COA8: variants seen among roughly 807,000 people sequenced by gnomAD.
The protein encoded by COA8 is cytochrome c oxidase assembly factor 8, also known as UPF0671 protein C14orf153.
Under a neutral mutation model 22.0 loss-of-function variants are expected in COA8, and 20 were observed. That is an observed-to-expected ratio of 0.91 (90% confidence interval 0.64 to 1.32). COA8 has a LOEUF of 1.32. COA8 is among the 40% of genes most tolerant of loss of function. COA8 has a pLI of 0.00. For synonymous variants in COA8, 105 were observed against 79.9 expected (o/e 1.31, Z -1.68); for missense variants, 266 against 230.0 (o/e 1.16, Z -1.01).
chr14:103,564,571 CTTTTTTTTT>C (rs561702478), intron 1 of COA8, among the ~76,000 whole-genome samples: 5 of 91,476 alleles, frequency 5.5e-5, no homozygotes, highest in African/African-American at 2.4e-4. Context: ...ATATACACTT[CTTTTTTTTT>C]TTTTTTTTTT....
At chr14:103,585,906 G>A (rs1277814602) in intron 3 of COA8, among the ~76,000 whole-genome samples, 1 of 144,802 alleles carries the variant, frequency 6.9e-6, no homozygotes, top group Non-Finnish European at 1.5e-5. Flanking sequence ...GTTTTTTTTT[G>A]TTTTGTTTTT....
chr14:103,588,233 G>A, intron 4 of COA8: 2 of 392,626 alleles, frequency 5.1e-6, no homozygotes, highest in African/African-American at 2.1e-5. Context: ...AATATTTGTA[G>A]GCTGGATACG....
intron 2 of COA8, among the ~76,000 whole-genome samples, chr14:103,573,741 C>T (rs139111292): frequency 2.0e-3 from 297 of 151,572 alleles, no homozygotes; most frequent in Admixed American, 4.7e-3. Context: ...TTAGTAGAGA[C>T]GGGGTTTCTC....
At chr14:103,585,008 C>G (rs991499082) in intron 3 of COA8, among the ~76,000 whole-genome samples, 2 of 151,836 alleles carry the variant, frequency 1.3e-5, no homozygotes, top group East Asian at 1.9e-4. Flanking sequence ...TATGGTGGTG[C>G]GTGCCTGTAA....
intron 2 of COA8, among the ~76,000 whole-genome samples, chr14:103,572,030 G>C (rs2076191811): frequency 6.6e-6 from 1 of 152,050 alleles, no homozygotes; most frequent in Non-Finnish European, 1.5e-5. Flanking sequence ...GGGAGGCTGA[G>C]GCAGGAGAAT....
At chr14:103,571,903 A>G (rs2076190156) in intron 2 of COA8, 83 bp downstream of exon 2, 6 of 1,189,600 alleles carry the variant, frequency 5.0e-6, no homozygotes, top group Non-Finnish European at 7.2e-6. Flanking sequence ...CGAGGTGGGC[A>G]GATCACGAGG....
chr14:103,577,902 T>TA (rs2076240620), intron 3 of COA8, among the ~76,000 whole-genome samples: 1 of 151,310 alleles, frequency 6.6e-6, no homozygotes, highest in Admixed American at 6.6e-5. Context: ...TGCATGCCTG[T>TA]AATCCCAGCT....
At chr14:103,571,196 T>C (rs1291201049) in intron 1 of COA8, among the ~76,000 whole-genome samples, 1 of 151,924 alleles carries the variant, frequency 6.6e-6, no homozygotes, top group African/African-American at 2.4e-5. Context: ...TGAAACCCCA[T>C]CTCCACTAAA....
intron 3 of COA8, chr14:103,574,548 C>G: frequency 4.6e-6 from 2 of 434,342 alleles, no homozygotes. Flanking sequence ...CAGTGTTAGG[C>G]CTGAATAACA....
rs182584123 is a variant in COA8, at chr14:103,584,563, G to A, written c.386-2711G>A. 3.3e-5 allele frequency among the ~76,000 whole-genome samples: 5 copies of A among 152,210 alleles called. No individual in the cohort carries two copies. In the East Asian group the frequency reaches 5.8e-4, roughly 18 times the overall value. ...AATGCCACGTGGGTCTTATGATCAC[G>A]AACTCTGTGTTTAACTTTTTCAGGA... is the stretch of plus-strand genomic sequence containing the variant. On this transcript the variant is annotated intron_variant, in intron 3 of 4. Coordinates refer to ENST00000409074, the MANE Select transcript of COA8 (RefSeq NM_001370595.2).
chr14:103,574,513 G>T, intron 3 of COA8: 1 of 496,510 alleles, frequency 2.0e-6, no homozygotes, highest in Admixed American at 2.3e-5. Flanking sequence ...GCTCAAAATA[G>T]CCTCTCCTTA....
intron 1 of COA8, among the ~76,000 whole-genome samples, chr14:103,570,154 G>T (rs2076171991): frequency 6.6e-6 from 1 of 152,148 alleles, no homozygotes; most frequent in Non-Finnish European, 1.5e-5. Flanking sequence ...ACCGCACCTG[G>T]CTAGAAATGT....
intron 1 of COA8, among the ~76,000 whole-genome samples, chr14:103,568,120 C>G (rs2076148734): frequency 6.6e-6 from 1 of 152,188 alleles, no homozygotes; most frequent in Admixed American, 6.5e-5. Flanking sequence ...GAACAGGAAG[C>G]AAGAACGCTA....
chr14:103,584,002 G>C (rs187384254), intron 3 of COA8, among the ~76,000 whole-genome samples: 6 of 152,208 alleles, frequency 3.9e-5, no homozygotes, highest in African/African-American at 1.2e-4. Context: ...GAGCCCCTGC[G>C]CCCTCTCTGG....
In COA8 at chr14:103,588,474, T is replaced by TAA. The variant is rs370081517; in HGVS notation, c.476+1116_476+1117dup. 1.8e-3 allele frequency among the ~76,000 whole-genome samples: 248 copies of TAA among 139,332 alleles called. 2 individuals are homozygous for TAA. In the East Asian group the frequency reaches 0.02, roughly 11 times the overall value. 91.4% of individuals were successfully genotyped at this position (139,332 alleles called of 152,430 possible). On this transcript the variant is annotated intron_variant, in intron 4 of 4. Transcript: ENST00000409074. ...ATAAATAAATAAATAAGTAAGTAAT[T>TAA]AAAAAAATATATATATATATATAAA...
intron 3 of COA8, among the ~76,000 whole-genome samples, chr14:103,585,889 GTTT>G (rs796235723): frequency 6.9e-6 from 1 of 144,874 alleles, no homozygotes; most frequent in Non-Finnish European, 1.5e-5. Context: ...CTTTTTTGTT[GTTT>G]TTTGTTTTTT....
intron 1 of COA8, among the ~76,000 whole-genome samples, chr14:103,565,709 G>A (rs571948630): frequency 1.2e-4 from 18 of 151,146 alleles, no homozygotes; most frequent in African/African-American, 3.9e-4. Context: ...TCCACCGCCC[G>A]GGTTCAAGCA....
chr14:103,575,243 T>C (rs890712513), intron 3 of COA8, among the ~76,000 whole-genome samples: 2 of 152,252 alleles, frequency 1.3e-5, no homozygotes, highest in African/African-American at 4.8e-5. Flanking sequence ...CTAGGTCGGC[T>C]CATAGCTTGG....
chr14:103,571,414 A>C (rs1226788846), intron 1 of COA8, among the ~76,000 whole-genome samples: 2 of 152,092 alleles, frequency 1.3e-5, no homozygotes, highest in Non-Finnish European at 2.9e-5. Flanking sequence ...GTTTCGGGAA[A>C]GGGCTGTTAT....
Sources: allele counts gnomAD v4.1 joint callset (sites outside exome capture counted in the v4.1 genomes callset), GRCh38; gene constraint gnomAD v4.1.1; transcripts MANE v1.5; gene names NCBI Gene and HGNC (gene_info 2026-07-23, HGNC 2026-07-21).